Variants in SYT16 observed in about 807,000 individuals in gnomAD.
The protein encoded by SYT16 is synaptotagmin 16.
In SYT16, 42 loss-of-function variants were observed where a neutral mutation model predicts 61.4. The observed-to-expected ratio is 0.68, with a 90% CI of 0.53 to 0.89. The LOEUF (loss-of-function observed/expected upper bound fraction) is 0.89. Ranked by LOEUF, SYT16 falls within the 40% of genes least tolerant of loss-of-function variation. SYT16 has a pLI of 0.00. For synonymous variants in SYT16, 314 were observed against 302.3 expected, an observed-to-expected ratio of 1.04 and a Z score of -0.40; for missense variants, 804 against 807.3, an observed-to-expected ratio of 1.00 and a Z score of 0.05.
chr14:61,877,070 TAATGCATTGTCTCAA>T (rs1017115929), intron 1 of SYT16, among the ~76,000 whole-genome samples: 1 of 152,190 alleles, frequency 6.6e-6, no homozygotes, highest in African/African-American at 2.4e-5. Flanking sequence ...CTGTTGTTCC[TAATGCATTGTCTCAA>T]AACTGTGCCA....
chr14:62,095,902 A>AT (rs1282938605), intron 7 of SYT16, among the ~76,000 whole-genome samples: 1 of 152,066 alleles, frequency 6.6e-6, no homozygotes, highest in Non-Finnish European at 1.5e-5. Flanking sequence ...ATATCAAGAC[A>AT]TGTTATAAAA....
At chr14:62,018,893 G>A (rs1297443104) in intron 3 of SYT16, among the ~76,000 whole-genome samples, 10 of 152,136 alleles carry the variant, frequency 6.6e-5, no homozygotes, top group Non-Finnish European at 1.3e-4. Context: ...GAGGGCAGGC[G>A]TTTCCATCCA....
chr14:61,962,936 T>C (rs758584760), intron 1 of SYT16, among the ~76,000 whole-genome samples: 7 of 152,194 alleles, frequency 4.6e-5, no homozygotes, highest in Non-Finnish European at 8.8e-5. Flanking sequence ...TTCTTATAGC[T>C]CACTGAGCTT....
chr14:61,895,680 T>C (rs2048299940), intron 1 of SYT16, among the ~76,000 whole-genome samples: 1 of 152,222 alleles, frequency 6.6e-6, no homozygotes, highest in Non-Finnish European at 1.5e-5. Flanking sequence ...CTGATGCTGC[T>C]GCTGTTACTA....
chr14:61,859,356 A>T (rs1424222294), intron 1 of SYT16, among the ~76,000 whole-genome samples: 2 of 152,056 alleles, frequency 1.3e-5, no homozygotes, highest in Non-Finnish European at 2.9e-5. Context: ...GTTCATTAGC[A>T]TAATAAGATT....
At chr14:61,923,824 A>C (rs572701146) in intron 1 of SYT16, among the ~76,000 whole-genome samples, 7 of 152,276 alleles carry the variant, frequency 4.6e-5, no homozygotes, top group African/African-American at 1.4e-4. Context: ...AAGATTCAAA[A>C]CCAACATATT....
intron 2 of SYT16, among the ~76,000 whole-genome samples, chr14:61,972,885 T>C (rs1031676818): frequency 3.3e-5 from 5 of 152,216 alleles, no homozygotes; most frequent in Non-Finnish European, 7.3e-5. Context: ...GAGTCTGGAC[T>C]AGGCTTCTCC....
intron 1 of SYT16, among the ~76,000 whole-genome samples, chr14:61,856,014 C>T (rs1198334481): frequency 1.3e-5 from 2 of 152,098 alleles, no homozygotes; most frequent in Non-Finnish European, 2.9e-5. Context: ...AAGGAGGAGC[C>T]AGGAGTGTAT....
At chr14:62,048,349 T>C (rs1195804728) in intron 3 of SYT16, among the ~76,000 whole-genome samples, 3 of 152,250 alleles carry the variant, frequency 2.0e-5, no homozygotes, top group Non-Finnish European at 2.9e-5. Flanking sequence ...TTATTGCATC[T>C]ATTTGATTCT....
intron 1 of SYT16, among the ~76,000 whole-genome samples, chr14:61,950,291 G>A (rs2140473990): frequency 6.6e-6 from 1 of 152,310 alleles, no homozygotes; most frequent in East Asian, 1.9e-4. Flanking sequence ...ACTGGGTTGA[G>A]TCAGGTACTT....
chr14:61,910,854 A>G (rs528893799), intron 1 of SYT16, among the ~76,000 whole-genome samples: 1 of 152,260 alleles, frequency 6.6e-6, no homozygotes, highest in South Asian at 2.1e-4. Flanking sequence ...ATCTGTTCCA[A>G]AGCTTGAAAC....
rs113733445 is a variant in SYT16, at chr14:61,817,864, G to A, written c.-325+5054G>A. ...CTTTAGGAAAAAAGGATATATGCATGTATGTGTGCATTTATATGTATATGT... is the reference window on the plus strand; with the variant it reads ...CTTTAGGAAAAAAGGATATATGCATATATGTGTGCATTTATATGTATATGT... On this transcript the variant is annotated intron_variant, in intron 1 of 7. Coordinates refer to ENST00000683842, the MANE Select transcript of SYT16 (RefSeq NM_001367656.1). Among the ~76,000 whole-genome samples, 836 of 152,314 alleles carry A rather than the reference G, an allele frequency of 5.5e-3. 15 individuals carry two copies. Among genetic ancestry groups the A allele is most frequent in the Non-Finnish European group, 4.4e-3 (298 of 68,036 alleles).
chr14:61,846,152 T>C (rs973331087), intron 1 of SYT16, among the ~76,000 whole-genome samples: 1 of 152,222 alleles, frequency 6.6e-6, no homozygotes, highest in Non-Finnish European at 1.5e-5. Flanking sequence ...TCTGTAAATA[T>C]ACATTAGGTC....
In SYT16 at chr14:62,106,596, G is replaced by A. The variant is rs2057517847; in HGVS notation, c.*5889G>A. The A allele has an allele frequency of 6.6e-6, 1 of 152,192 alleles. No individual in the cohort carries two copies. Among genetic ancestry groups the A allele is most frequent in the African/African-American group, 2.4e-5 (1 of 41,454 alleles). The allele number at this position is 152,192 out of a possible 1,614,324, so 9.4% of individuals were successfully genotyped here. ...GAATCAACAATAACACTCCAGGCCT[G>A]TCTTCTTCCACTTTGGACATTTTTT... is the stretch of plus-strand genomic sequence containing the variant. On this transcript the variant is annotated 3_prime_UTR_variant, in exon 8 of 8. Transcript: ENST00000683842.
intron 2 of SYT16, among the ~76,000 whole-genome samples, chr14:61,990,208 T>C (rs1413413061): frequency 6.6e-6 from 1 of 152,234 alleles, no homozygotes; most frequent in Admixed American, 6.5e-5. Flanking sequence ...TTCTTATTTA[T>C]ACCAGGTCTA....
At chr14:61,843,728 G>A (rs1380156396) in intron 1 of SYT16, among the ~76,000 whole-genome samples, 1 of 152,042 alleles carries the variant, frequency 6.6e-6, no homozygotes, top group African/African-American at 2.4e-5. Context: ...TGTGTGGATT[G>A]TTTCTGGGTT....
In SYT16 at chr14:62,109,300, T is replaced by TC. The variant is rs2057564450; in HGVS notation, c.*8594dup. On this transcript the variant is annotated 3_prime_UTR_variant, in exon 8 of 8. Transcript: ENST00000683842. ...CTTTTCAGATTGGCTTTTTTTTTTT[T>TC]CACTTAGGGATAGTCATGTAAGTTT... The TC allele has an allele frequency of 2.6e-5, 4 of 151,948 alleles. No homozygotes were observed. Among genetic ancestry groups the TC allele is most frequent in the African/African-American group, 9.7e-5 (4 of 41,400 alleles). 9.4% of individuals were successfully genotyped at this position (151,948 alleles called of 1,614,324 possible).
Position 61,902,919 on chromosome 14 carries a change from A to G in SYT16, c.-324-67213A>G, listed in dbSNP as rs556503554. ...GAAACTGCTCCCATGATTCAATTATATCTTACCAAGTCCCTCCCACAACAC... is the reference window on the plus strand; with the variant it reads ...GAAACTGCTCCCATGATTCAATTATGTCTTACCAAGTCCCTCCCACAACAC... On this transcript the variant is annotated intron_variant, in intron 1 of 7. Transcript: ENST00000683842. Among the ~76,000 whole-genome samples the G allele has an allele frequency of 4.6e-5, 7 of 152,298 alleles. No individual in the cohort carries two copies. The East Asian group carries it at 9.7e-4, about 21-fold the overall frequency.
chr14:62,030,807 A>G (rs2054284414), intron 3 of SYT16, among the ~76,000 whole-genome samples: 1 of 152,220 alleles, frequency 6.6e-6, no homozygotes, highest in Non-Finnish European at 1.5e-5. Context: ...GTATTTATAA[A>G]ATGAAAGCTG....
Sources: allele counts gnomAD v4.1 joint callset (sites outside exome capture counted in the v4.1 genomes callset), GRCh38; gene constraint gnomAD v4.1.1; transcripts MANE v1.5; gene names NCBI Gene and HGNC (gene_info 2026-07-23, HGNC 2026-07-21).